PACRG: variants seen among roughly 807,000 people sequenced by gnomAD.
The protein encoded by PACRG is parkin coregulated gene protein.
In PACRG, 29 loss-of-function variants were observed where a neutral mutation model predicts 29.7. The ratio of observed to expected loss-of-function variants is 0.98; its 90% CI spans 0.73 to 1.33. PACRG has a LOEUF of 1.33. PACRG is among the 40% of genes most tolerant of loss of function. The pLI is 0.00. For synonymous variants in PACRG, 116 were observed against 118.7 expected (o/e 0.98, Z 0.15); for missense variants, 279 against 316.2 (o/e 0.88, Z 0.89).
chr6:162,937,830 A>G (rs896349164), intron 2 of PACRG, among the ~76,000 whole-genome samples: 4 of 152,160 alleles, frequency 2.6e-5, no homozygotes, highest in Non-Finnish European at 5.9e-5. Context: ...AAAATTTGAG[A>G]AAAGTATAAA....
chr6:163,268,098 T>TA (rs1371672185), intron 4 of PACRG, among the ~76,000 whole-genome samples: 2 of 152,174 alleles, frequency 1.3e-5, no homozygotes, highest in Non-Finnish European at 2.9e-5. Context: ...ACGTTATAGA[T>TA]ACTTTGAAAG....
intron 2 of PACRG, among the ~76,000 whole-genome samples, chr6:162,816,852 G>A (rs1024963370): frequency 5.9e-5 from 9 of 152,136 alleles, no homozygotes; most frequent in African/African-American, 2.2e-4. Flanking sequence ...AAAAGCAAGA[G>A]GCCAAGACCC....
intron 4 of PACRG, among the ~76,000 whole-genome samples, chr6:163,222,278 G>A (rs993904678): frequency 2.6e-5 from 4 of 152,198 alleles, no homozygotes; most frequent in African/African-American, 4.8e-5. Flanking sequence ...GCAACCAACC[G>A]TGTTCCTGGC....
At position 162,814,256 on chromosome 6, in the gene PACRG, CG is replaced by C. The variant is rs780717425; in HGVS notation, c.267del (p.Gly91GlufsTer8). On this transcript the variant is annotated frameshift_variant, in exon 2 of 5. Transcript: ENST00000366888. LOFTEE classifies it high-confidence loss of function. Reference protein sequence around the residue: ...GDFPIALEHDSKGNKIAWKVE... With the variant: ...GDFPIALEHDXKGNKIAWKVE... Reference sequence around the variant, plus strand: ...TTCCCAATTGCCCTTGAGCATGATTCGAAAGGAAACAAAATCGCCTGGAAGG... The same window carrying C: ...TTCCCAATTGCCCTTGAGCATGATTCAAAGGAAACAAAATCGCCTGGAAGG... The C allele has an allele frequency of 1.6e-4, 263 of 1,613,430 alleles. No individual in the cohort carries two copies. The highest frequency in any genetic ancestry group is 2.2e-4 in the Non-Finnish European group (254 of 1,179,706).
At chr6:162,885,148 T>C (rs1562698447) in intron 2 of PACRG, among the ~76,000 whole-genome samples, 1 of 152,148 alleles carries the variant, frequency 6.6e-6, no homozygotes, top group Non-Finnish European at 1.5e-5. Context: ...TATGTACAAG[T>C]TTGCACAAAA....
intron 4 of PACRG, among the ~76,000 whole-genome samples, chr6:163,273,068 T>A (rs1458743420): frequency 6.7e-6 from 1 of 148,978 alleles, no homozygotes; most frequent in East Asian, 1.9e-4. Context: ...ATTTTTTGTA[T>A]TTTTTTAGTA....
chr6:163,006,778 G>A (rs2128206205), intron 2 of PACRG, among the ~76,000 whole-genome samples: 1 of 151,182 alleles, frequency 6.6e-6, no homozygotes, highest in East Asian at 2.0e-4. Context: ...TTTCAATAAT[G>A]TTAGCATTAT....
chr6:162,747,696 A>G (rs1019941177), intron 1 of PACRG, among the ~76,000 whole-genome samples: 9 of 151,408 alleles, frequency 5.9e-5, no homozygotes, highest in Non-Finnish European at 7.4e-5. Context: ...CCAGGATAGG[A>G]CTTAAGCTGA....
rs560607930 is a variant in PACRG at position 163,283,772 on chromosome 6, C to A, written c.614-31055C>A. 6.4e-3 allele frequency among the ~76,000 whole-genome samples: 898 copies of A among 140,940 alleles called. 16 individuals carry two copies. Among genetic ancestry groups the A allele is most frequent in the African/African-American group, 0.023 (857 of 37,326 alleles). The allele number at this position is 140,940 out of a possible 152,430, so 92.5% of individuals were successfully genotyped here. On this transcript the variant is annotated intron_variant, in intron 4 of 4. Transcript: ENST00000366888. Reference sequence around the variant, plus strand: ...GCCGAGATTGTGCCACTGCAGTCCGCAGTCCGGCCTGGGCGACAGAGCGAG... The same window carrying A: ...GCCGAGATTGTGCCACTGCAGTCCGAAGTCCGGCCTGGGCGACAGAGCGAG...
intron 4 of PACRG, among the ~76,000 whole-genome samples, chr6:163,294,806 A>C (rs1784732362): frequency 1.3e-5 from 2 of 152,262 alleles, no homozygotes; most frequent in Admixed American, 1.3e-4. Flanking sequence ...TAATATGTCC[A>C]TTATAAAGAA....
chr6:163,058,498 C>T (rs1261026038), intron 2 of PACRG, among the ~76,000 whole-genome samples: 1 of 152,074 alleles, frequency 6.6e-6, no homozygotes, highest in Non-Finnish European at 1.5e-5. Context: ...GAAGGCTGGC[C>T]GTGGTTCCTC....
intron 2 of PACRG, among the ~76,000 whole-genome samples, chr6:162,974,595 A>T (rs1433171401): frequency 1.3e-5 from 2 of 152,190 alleles, no homozygotes; most frequent in Non-Finnish European, 2.9e-5. Context: ...CCCAAATAAA[A>T]ATATGATTTG....
intron 2 of PACRG, among the ~76,000 whole-genome samples, chr6:163,005,021 T>A (rs1402788576): frequency 6.6e-6 from 1 of 152,018 alleles, no homozygotes; most frequent in Non-Finnish European, 1.5e-5. Context: ...CTATTTCTTT[T>A]TGACTATGCT....
chr6:163,024,502 G>T (rs933267330), intron 2 of PACRG, among the ~76,000 whole-genome samples: 1 of 152,126 alleles, frequency 6.6e-6, no homozygotes, highest in Non-Finnish European at 1.5e-5. Flanking sequence ...TTAAAGCTGG[G>T]CAATATGGTG....
intron 3 of PACRG, among the ~76,000 whole-genome samples, chr6:163,072,615 A>C (rs1468371730): frequency 6.6e-6 from 1 of 152,152 alleles, no homozygotes; most frequent in Non-Finnish European, 1.5e-5. Flanking sequence ...TAGGGCAATC[A>C]GACAAGAGAA....
intron 4 of PACRG, among the ~76,000 whole-genome samples, chr6:163,092,547 G>C (rs1814205635): frequency 1.3e-5 from 2 of 152,194 alleles, no homozygotes; most frequent in African/African-American, 4.8e-5. Context: ...AACAAGAACA[G>C]ATAAATCTGA....
chr6:163,239,994 TCA>T (rs1782423917), intron 4 of PACRG, among the ~76,000 whole-genome samples: 1 of 115,276 alleles, frequency 8.7e-6, no homozygotes, highest in Non-Finnish European at 1.8e-5. Flanking sequence ...ACACACACAC[TCA>T]CACCCCCATG....
intron 2 of PACRG, among the ~76,000 whole-genome samples, chr6:163,014,928 C>T (rs1442355734): frequency 2.6e-5 from 4 of 152,032 alleles, no homozygotes; most frequent in South Asian, 4.1e-4. Flanking sequence ...TCCCAAGGCC[C>T]ATGTCCAAAA....
At chr6:163,186,048 G>A (rs1779910318) in intron 4 of PACRG, among the ~76,000 whole-genome samples, 1 of 152,160 alleles carries the variant, frequency 6.6e-6, no homozygotes, top group Admixed American at 6.5e-5. Flanking sequence ...AACAGTGACT[G>A]GGCCTTTCTG....
Sources: gnomAD v4.1 joint callset for allele counts (sites outside exome capture counted in the v4.1 genomes callset) on GRCh38, gnomAD v4.1.1 for gene constraint, MANE v1.5 for transcripts, NCBI Gene and HGNC (gene_info 2026-07-23, HGNC 2026-07-21) for gene names.